Variants in EPB41L5 observed in about 807,000 individuals in gnomAD.
EPB41L5 encodes the protein erythrocyte membrane protein band 4.1 like 5, also known as band 4.1-like protein 5.
EPB41L5 carries 55 observed loss-of-function variants against 106.6 expected under a neutral mutation model. The ratio of observed to expected loss-of-function variants is 0.52; its 90% CI spans 0.42 to 0.65. EPB41L5 has a LOEUF of 0.65. Ranked by LOEUF, EPB41L5 falls within the 30% of genes least tolerant of loss-of-function variation. The pLI, the probability that EPB41L5 is intolerant of heterozygous loss-of-function variation, is 0.00. For missense variants in EPB41L5, 871 were observed against 882.1 expected (o/e 0.99, Z 0.16); for synonymous variants, 297 against 306.7 (o/e 0.97, Z 0.33).
intron 24 of EPB41L5, among the ~76,000 whole-genome samples, chr2:120,171,612 T>C (rs560794412): frequency 1.3e-5 from 2 of 152,302 alleles, no homozygotes; most frequent in East Asian, 3.9e-4. Flanking sequence ...AGTATAAATG[T>C]CTGAGTTGAA....
At chr2:120,165,932 C>A (rs1687379154) in intron 22 of EPB41L5, among the ~76,000 whole-genome samples, 1 of 131,546 alleles carries the variant, frequency 7.6e-6, no homozygotes, top group South Asian at 2.4e-4. Flanking sequence ...AGCACCATTG[C>A]ACTCCAGTCT....
intron 21 of EPB41L5, among the ~76,000 whole-genome samples, chr2:120,164,351 A>AC (rs1376279640): frequency 3.3e-5 from 5 of 151,980 alleles, no homozygotes; most frequent in Non-Finnish European, 7.4e-5. Context: ...AGTAGCTGGG[A>AC]CTACAGCTGA....
chr2:120,029,492 A>C (rs781513168), intron 2 of EPB41L5, among the ~76,000 whole-genome samples: 1 of 152,180 alleles, frequency 6.6e-6, no homozygotes, highest in Non-Finnish European at 1.5e-5. Flanking sequence ...TTTTATATAC[A>C]TAGGTAGAGA....
At chr2:120,031,262 G>A (rs1300430844) in intron 2 of EPB41L5, among the ~76,000 whole-genome samples, 2 of 152,136 alleles carry the variant, frequency 1.3e-5, no homozygotes, top group East Asian at 3.8e-4. Context: ...AACCAGCTCC[G>A]CTTGAATTAC....
chr2:120,159,377 C>T (rs770898301), intron 20 of EPB41L5, among the ~76,000 whole-genome samples: 33 of 144,074 alleles, frequency 2.3e-4, no homozygotes, highest in Non-Finnish European at 4.2e-4. Flanking sequence ...AAGCCGAGAT[C>T]GCGCCACTGC....
At chr2:120,105,464 T>G in intron 16 of EPB41L5, 1 of 985,384 alleles carries the variant, frequency 1.0e-6, no homozygotes, top group Non-Finnish European at 1.2e-6. Flanking sequence ...AGACAAAGAT[T>G]AAGGTTTCAG....
chr2:120,078,022 C>T (rs1682376688), intron 9 of EPB41L5, among the ~76,000 whole-genome samples: 1 of 152,140 alleles, frequency 6.6e-6, no homozygotes, highest in African/African-American at 2.4e-5. Flanking sequence ...CTTGTGAGAA[C>T]TCATTCACTA....
At chr2:120,068,281 C>A (rs1681594267) in intron 3 of EPB41L5, among the ~76,000 whole-genome samples, 1 of 152,236 alleles carries the variant, frequency 6.6e-6, no homozygotes, top group South Asian at 2.1e-4. Context: ...GTCTTCGCCA[C>A]CTGCAGACCA....
intron 3 of EPB41L5, among the ~76,000 whole-genome samples, chr2:120,062,581 A>G (rs1011450388): frequency 6.6e-6 from 1 of 152,182 alleles, no homozygotes; most frequent in East Asian, 1.9e-4. Flanking sequence ...CAGTGTATGA[A>G]AGTAACAGTA....
chr2:120,063,418 A>G (rs1681214232), intron 3 of EPB41L5, among the ~76,000 whole-genome samples: 1 of 151,914 alleles, frequency 6.6e-6, no homozygotes, highest in Non-Finnish European at 1.5e-5. Context: ...CAATTTTGGC[A>G]GCATGCTGTC....
At chr2:120,147,758 C>T (rs1040918798) in intron 20 of EPB41L5, among the ~76,000 whole-genome samples, 2 of 151,166 alleles carry the variant, frequency 1.3e-5, no homozygotes, top group Non-Finnish European at 2.9e-5. Flanking sequence ...GTAATGGGAA[C>T]AGGACTGCCC....
At position 120,127,759 on chromosome 2, in the gene EPB41L5, C is replaced by A. The variant is rs1477125294; in HGVS notation, c.1409C>A (p.Ala470Glu). 6 of 1,613,664 alleles carry A rather than the reference C, an allele frequency of 3.7e-6. No homozygotes were observed. The highest frequency in any genetic ancestry group is 3.3e-5 in the Admixed American group (2 of 60,002). Residue 470 changes from alanine to glutamate, a missense_variant, in exon 17 of 25, where the codon GCA becomes GAA. Physicochemically the swap from Ala to Glu is moderately radical, Grantham distance 107 (BLOSUM62 -1). Transcript: ENST00000263713. ...LEATIGDVIG[A>E]SDTMETSQAL... ...GCAACGATTGGTGATGTAATTGGGG[C>A]ATCTGACACTATGGAAACATCCCAA...
chr2:120,094,192 G>C (rs949984466), intron 14 of EPB41L5, among the ~76,000 whole-genome samples: 1 of 152,004 alleles, frequency 6.6e-6, no homozygotes, highest in Admixed American at 6.6e-5. Flanking sequence ...TCCCTGTATT[G>C]CCCAGGCTGG....
At position 120,104,067 on chromosome 2, in the gene EPB41L5, G is replaced by A. The variant is rs1291302912; in HGVS notation, c.1337+3253G>A. On this transcript the variant is annotated intron_variant, in intron 16 of 24. Transcript: ENST00000263713. ...CACTCCCCAACCATCCAGGCTCTCTGCTGCCAGCGACTGCTGTCAACGTGG... is the reference window on the plus strand; with the variant it reads ...CACTCCCCAACCATCCAGGCTCTCTACTGCCAGCGACTGCTGTCAACGTGG... 1.8e-5 allele frequency: 28 copies of A among 1,532,842 alleles called. No homozygotes were observed. The Middle Eastern group carries it at 6.7e-4, about 36-fold the overall frequency. The allele number at this position is 1,532,842 out of a possible 1,614,324, so 95.0% of individuals were successfully genotyped here.
chr2:120,094,974 C>T (rs568461174), intron 14 of EPB41L5, among the ~76,000 whole-genome samples: 2 of 152,100 alleles, frequency 1.3e-5, no homozygotes, highest in Admixed American at 6.5e-5. Flanking sequence ...TATGAGTCAC[C>T]CAGGAAAATA....
rs377092628 is a variant in EPB41L5 at position 120,143,148 on chromosome 2, A to G, written c.1728+17A>G. ...GTGCATAAGGTAAGCTGCCTTTGATAGATAGCCCTGGTGAAGTGAAATGAG... is the reference window on the plus strand; with the variant it reads ...GTGCATAAGGTAAGCTGCCTTTGATGGATAGCCCTGGTGAAGTGAAATGAG... On this transcript the variant is annotated intron_variant, in intron 19 of 24. Transcript: ENST00000263713. 9.0e-6 allele frequency: 14 copies of G among 1,558,184 alleles called. No individual in the cohort carries two copies. In the African/African-American group the frequency reaches 1.5e-4, roughly 17 times the overall value.
At chr2:120,154,425 A>G (rs1686817477) in intron 20 of EPB41L5, among the ~76,000 whole-genome samples, 2 of 151,444 alleles carry the variant, frequency 1.3e-5, no homozygotes, top group Admixed American at 6.6e-5. Flanking sequence ...TCAGCCTCCC[A>G]AAGTGCTGGG....
At chr2:120,040,410 G>A (rs61181031) in intron 2 of EPB41L5, among the ~76,000 whole-genome samples, 2 of 152,108 alleles carry the variant, frequency 1.3e-5, no homozygotes, top group Non-Finnish European at 2.9e-5. Flanking sequence ...TTTTTTTTGA[G>A]TATGGAGAAA....
intron 1 of EPB41L5, among the ~76,000 whole-genome samples, chr2:120,018,563 A>T (rs1419911062): frequency 6.6e-6 from 1 of 152,174 alleles, no homozygotes; most frequent in Non-Finnish European, 1.5e-5. Context: ...TTTATCATTT[A>T]TAATATGTCT....
Sources: gnomAD v4.1 joint callset for allele counts (sites outside exome capture counted in the v4.1 genomes callset) on GRCh38, gnomAD v4.1.1 for gene constraint, MANE v1.5 for transcripts, NCBI Gene and HGNC (gene_info 2026-07-23, HGNC 2026-07-21) for gene names.